Variants in MANSC4 observed in about 807,000 individuals in gnomAD.
The protein encoded by MANSC4 is MANSC domain containing 4.
In MANSC4, 11 loss-of-function variants were observed where a neutral mutation model predicts 11.4. The observed-to-expected ratio is 0.97, with a 90% CI of 0.61 to 1.60. The LOEUF (loss-of-function observed/expected upper bound fraction) is 1.60, where lower values mean the gene tolerates loss of function less well. Among genes scored for constraint, MANSC4 ranks in the 40% most tolerant of loss-of-function variants. The pLI is 0.00. For missense variants in MANSC4, 354 were observed against 404.6 expected, an observed-to-expected ratio of 0.88 and a Z score of 1.07; for synonymous variants, 123 against 147.1, an observed-to-expected ratio of 0.84 and a Z score of 1.19.
intron 2 of MANSC4, among the ~76,000 whole-genome samples, chr12:27,770,391 G>A (rs1467598250): frequency 6.6e-6 from 1 of 152,046 alleles, no homozygotes; most frequent in Non-Finnish European, 1.5e-5. Flanking sequence ...ATGTTGGCCA[G>A]GTTGGTCTCC....
In MANSC4 at chr12:27,771,197, G is replaced by A; in HGVS notation, c.80C>T (p.Thr27Ile). 1 of 1,552,066 alleles carries A rather than the reference G, an allele frequency of 6.4e-7. No homozygotes were observed. Among genetic ancestry groups the A allele is most frequent in the South Asian group, 1.2e-5 (1 of 84,062 alleles). ...GATCCAGCAGTCTCTGTAAAAAATT[G>A]TGGGTGAGCAGAGAGAGTCTGATGT... Reference protein sequence around the residue: ...GWTSDSLCSPTIFYRDCWIRR... With the variant: ...GWTSDSLCSPIIFYRDCWIRR... The change falls in exon 2 of 4, where the codon ACA becomes ATA. Residue 27 changes from threonine to isoleucine, a missense_variant. Physicochemically the swap from Thr to Ile is moderately conservative, Grantham distance 89. Coordinates refer to ENST00000381273, the MANE Select transcript of MANSC4 (RefSeq NM_001146221.5).
intron 2 of MANSC4, 61 bp from the exon 3 acceptor site, chr12:27,766,860 A>T: frequency 1.3e-6 from 2 of 1,505,028 alleles, no homozygotes; most frequent in Admixed American, 4.2e-5. Flanking sequence ...AATTTCATGA[A>T]CTCTGAGTAA....
chr12:27,769,872 A>G (rs1402203859), intron 2 of MANSC4, among the ~76,000 whole-genome samples: 2 of 152,248 alleles, frequency 1.3e-5, no homozygotes, highest in Non-Finnish European at 2.9e-5. Flanking sequence ...TAGCATTAAA[A>G]TCTTGGAAAA....
chr12:27,763,266 A>G lies in MANSC4; in HGVS notation c.495T>C (p.Asn165=). The G allele has an allele frequency of 3.2e-6, 5 of 1,551,710 alleles. No homozygotes were observed. Among genetic ancestry groups the G allele is most frequent in the Non-Finnish European group, 4.4e-6 (5 of 1,147,002 alleles). Residue 165 remains asparagine, a synonymous_variant, in exon 4 of 4, where the codon AAT becomes AAC. Transcript: ENST00000381273. ...GAGCCTCTGTGGATGGCAGCATACC[A>G]TTTATCGTGGTGGTTTGTTTATCTA... ...MNLDKQTTTI[N]GMLPSTEAPS... is the part of the protein sequence containing the mutation.
chr12:27,763,388 G>C lies in MANSC4; in HGVS notation c.373C>G (p.Pro125Ala). The C allele has an allele frequency of 6.5e-7, 1 of 1,537,660 alleles. No individual in the cohort carries two copies. The highest frequency in any genetic ancestry group is 8.8e-7 in the Non-Finnish European group (1 of 1,140,676). The part of the protein sequence containing the change: ...ILYNITDGID[P>A]DLLVFEQSPT... The stretch of plus-strand genomic sequence containing the variant: ...GATTGTTCAAAAACCAGCAAATCCG[G>C]ATCTATACCTGAAAAATAAATAAGG... Residue 125 changes from proline (P) to alanine (A), a missense_variant, in exon 4 of 4, where the codon CCG (proline) becomes GCG (alanine). Transcript: ENST00000381273.
At chr12:27,775,604 T>C (rs1204251421) in intron 1 of MANSC4, among the ~76,000 whole-genome samples, 1 of 152,154 alleles carries the variant, frequency 6.6e-6, no homozygotes, top group Non-Finnish European at 1.5e-5. Flanking sequence ...GGTCTCACTA[T>C]GTTGCCCAGG....
In MANSC4 at chr12:27,771,212, G is replaced by GAGTC; in HGVS notation, c.61_64dup (p.Ser22Ter). Reference sequence around the variant, plus strand: ...GTAAAAAATTGTGGGTGAGCAGAGAGAGTCTGATGTCCACCCCATGCTTAG... The same window carrying GAGTC: ...GTAAAAAATTGTGGGTGAGCAGAGAGAGTCAGTCTGATGTCCACCCCATGCTTAG... On this transcript the variant is annotated stop_gained and frameshift_variant, in exon 2 of 4. Coordinates refer to ENST00000381273, the MANE Select transcript of MANSC4 (RefSeq NM_001146221.5). LOFTEE classifies it high-confidence loss of function. 6.4e-7 allele frequency: 1 copy of GAGTC among 1,551,950 alleles called. No individual in the cohort carries two copies. The highest frequency in any genetic ancestry group is 8.7e-7 in the Non-Finnish European group (1 of 1,147,096).
intron 1 of MANSC4, among the ~76,000 whole-genome samples, chr12:27,772,324 T>C (rs183063555): frequency 1.4e-4 from 22 of 152,328 alleles, no homozygotes; most frequent in Admixed American, 4.6e-4. Context: ...CTCTACTGTT[T>C]CTTCTAAAAA....
chr12:27,765,492 C>A (rs760690711), intron 3 of MANSC4, among the ~76,000 whole-genome samples: 2 of 152,144 alleles, frequency 1.3e-5, no homozygotes, highest in Non-Finnish European at 2.9e-5. Context: ...CTTATTGTGG[C>A]CAGATCTGTT....
rs1467289932 is a variant in MANSC4 at position 27,762,954 on chromosome 12, G to C, written c.807C>G (p.Asn269Lys). Reference sequence around the variant, plus strand: ...CCTCATCTTCATTTGCAGATGTGTGGTTTCTGCTATTGTATCCTTTGGTTT... The same window carrying C: ...CCTCATCTTCATTTGCAGATGTGTGCTTTCTGCTATTGTATCCTTTGGTTT... ...LNKTKGYNSR[N>K]HTSANEDEVS... is the part of the protein sequence containing the mutation. Residue 269 changes from asparagine to lysine, a missense_variant, in exon 4 of 4, where the codon AAC becomes AAG. Transcript: ENST00000381273. 6.4e-7 allele frequency: 1 copy of C among 1,551,838 alleles called. No homozygotes were observed. Among genetic ancestry groups the C allele is most frequent in the Non-Finnish European group, 8.7e-7 (1 of 1,147,036 alleles).
intron 3 of MANSC4, among the ~76,000 whole-genome samples, chr12:27,763,695 A>G (rs77927369): frequency 0.012 from 1,789 of 152,152 alleles, 46 homozygotes; most frequent in African/African-American, 0.041. Flanking sequence ...AGCTGTAGAA[A>G]CAGTAACGAT....
chr12:27,772,468 A>T (rs1420072032), intron 1 of MANSC4, among the ~76,000 whole-genome samples: 1 of 152,240 alleles, frequency 6.6e-6, no homozygotes, highest in South Asian at 2.1e-4. Context: ...AATAATAGTC[A>T]ATCTAGTTAT....
chr12:27,778,565 TA>T (rs529580080), intron 1 of MANSC4, among the ~76,000 whole-genome samples: 73 of 142,890 alleles, frequency 5.1e-4, no homozygotes, highest in African/African-American at 7.0e-4. Flanking sequence ...CTTGTAATAA[TA>T]AAAAAAAAAA....
intron 3 of MANSC4, 116 bp downstream of exon 3, chr12:27,766,549 G>A: frequency 8.3e-7 from 1 of 1,208,574 alleles, no homozygotes; most frequent in Non-Finnish European, 1.1e-6. Context: ...AAGTTCACTG[G>A]AAAATAATTA....
chr12:27,774,294 G>A (rs1228527313), intron 1 of MANSC4, among the ~76,000 whole-genome samples: 2 of 152,068 alleles, frequency 1.3e-5, no homozygotes, highest in Non-Finnish European at 2.9e-5. Flanking sequence ...CATTTGGAAA[G>A]CAGTCAATAT....
intron 3 of MANSC4, among the ~76,000 whole-genome samples, chr12:27,763,790 G>T (rs2062059170): frequency 6.6e-6 from 1 of 151,972 alleles, no homozygotes; most frequent in South Asian, 2.1e-4. Flanking sequence ...GAGTGCAGTG[G>T]TATGGTCTCA....
At position 27,771,151 on chromosome 12, in the gene MANSC4, T is replaced by C. The variant is rs1180919066; in HGVS notation, c.126A>G (p.Leu42=). 19 of 1,551,858 alleles carry C rather than the reference T, an allele frequency of 1.2e-5. No individual in the cohort carries two copies. Among genetic ancestry groups the C allele is most frequent in the Non-Finnish European group, 1.6e-5 (18 of 1,147,060 alleles). Residue 42 remains leucine, a synonymous_variant, in exon 2 of 4, where the codon CTA becomes CTG. Coordinates refer to ENST00000381273, the MANE Select transcript of MANSC4 (RefSeq NM_001146221.5). ...DCWIRRFPGL[L]INLEESQKLG... ...GCTTCTGAGACTCCTCCAGATTGAT[T>C]AGAAGACCTGGGAAGCGACGGATCC...
intron 1 of MANSC4, among the ~76,000 whole-genome samples, chr12:27,775,306 G>A (rs1372860037): frequency 1.3e-5 from 2 of 152,108 alleles, no homozygotes; most frequent in Admixed American, 6.6e-5. Flanking sequence ...GGCTGGTGCG[G>A]TGGCTCACAC....
Position 27,775,775 on chromosome 12 carries a change from T to C in MANSC4, c.-306-4193A>G, listed in dbSNP as rs893303908. On this transcript the variant is annotated intron_variant, in intron 1 of 3. Transcript: ENST00000381273. ...ATATGCTGTTCCAAAATCTGTTTTT[T>C]TTTTTTAAACTTTATGTAAAAGTAT... Among the ~76,000 whole-genome samples, 3 of 152,160 alleles carry C rather than the reference T, an allele frequency of 2.0e-5. No homozygotes were observed. The East Asian group carries it at 5.8e-4, about 29-fold the overall frequency.
Sources: allele counts gnomAD v4.1 joint callset (sites outside exome capture counted in the v4.1 genomes callset), GRCh38; gene constraint gnomAD v4.1.1; transcripts MANE v1.5; gene names NCBI Gene and HGNC (gene_info 2026-07-23, HGNC 2026-07-21).